PRR16: variants seen among roughly 807,000 people sequenced by gnomAD.
PRR16 encodes protein Largen.
A neutral mutation model predicts 18.2 loss-of-function variants in PRR16; 6 were observed. The observed-to-expected ratio is 0.33, with a 90% CI of 0.18 to 0.65. The LOEUF (loss-of-function observed/expected upper bound fraction) is 0.65, where lower values mean the gene tolerates loss of function less well. PRR16 is among the 30% of genes least tolerant of loss of function. The pLI is 0.74. For synonymous variants in PRR16, 151 were observed against 147.8 expected (o/e 1.02, Z -0.16); for missense variants, 412 against 376.6 (o/e 1.09, Z -0.78).
At chr5:120,754,067 CT>C in the PRR16 span, among the ~76,000 whole-genome samples, 1 of 111,230 alleles carries the variant, frequency 9.0e-6, no homozygotes, top group Non-Finnish European at 1.8e-5. Context: ...AGGAAGACAA[CT>C]TTTTACAATT....
chr5:120,568,227 G>C (rs943065867), intron 1 of PRR16, among the ~76,000 whole-genome samples: 1 of 152,140 alleles, frequency 6.6e-6, no homozygotes, highest in African/African-American at 2.4e-5. Context: ...CATGACCCTA[G>C]TAAGCTGGCT....
At chr5:120,593,407 T>C (rs1753701502) in intron 1 of PRR16, among the ~76,000 whole-genome samples, 1 of 151,810 alleles carries the variant, frequency 6.6e-6, no homozygotes, top group Non-Finnish European at 1.5e-5. Context: ...CTGGGAGAAG[T>C]GGATAAATTC....
intron 1 of PRR16, among the ~76,000 whole-genome samples, chr5:120,525,246 A>G (rs1325554391): frequency 6.6e-6 from 1 of 152,128 alleles, no homozygotes; most frequent in Non-Finnish European, 1.5e-5. Flanking sequence ...TTGTCTTCAA[A>G]TTCACCAGAC....
At chr5:120,503,426 G>T (rs1343648686) in intron 1 of PRR16, among the ~76,000 whole-genome samples, 1 of 152,104 alleles carries the variant, frequency 6.6e-6, no homozygotes, top group African/African-American at 2.4e-5. Flanking sequence ...TGCCCTAATA[G>T]AAATAATAAT....
At chr5:120,564,345 G>A (rs907343045) in intron 1 of PRR16, among the ~76,000 whole-genome samples, 1 of 151,998 alleles carries the variant, frequency 6.6e-6, no homozygotes, top group African/African-American at 2.4e-5. Context: ...CAGTCTTTGT[G>A]TCCTAGACTG....
chr5:120,722,474 G>T, the PRR16 span, among the ~76,000 whole-genome samples: 2 of 151,890 alleles, frequency 1.3e-5, no homozygotes, highest in Non-Finnish European at 2.9e-5. Flanking sequence ...GTATAGTAAG[G>T]TCCAGGTTTT....
intron 1 of PRR16, among the ~76,000 whole-genome samples, chr5:120,517,510 T>C (rs915233149): frequency 1.3e-5 from 2 of 152,202 alleles, no homozygotes; most frequent in African/African-American, 4.8e-5. Flanking sequence ...TATAGTTTTC[T>C]ATTCTTCTTT....
At chr5:120,700,421 T>G in the PRR16 span, among the ~76,000 whole-genome samples, 15 of 151,868 alleles carry the variant, frequency 9.9e-5, no homozygotes, top group African/African-American at 3.4e-4. Flanking sequence ...TAGAGGTATC[T>G]CATACTTGTG....
At chr5:120,611,067 G>C (rs971988281) in intron 1 of PRR16, among the ~76,000 whole-genome samples, 7 of 152,172 alleles carry the variant, frequency 4.6e-5, no homozygotes, top group African/African-American at 1.7e-4. Flanking sequence ...CTTGTTACGT[G>C]TTAGCAAAAA....
At chr5:120,692,609 C>T in the PRR16 span, among the ~76,000 whole-genome samples, 1 of 152,152 alleles carries the variant, frequency 6.6e-6, no homozygotes, top group African/African-American at 2.4e-5. Flanking sequence ...GGTGTGGGCC[C>T]AAGTCATACC....
chr5:120,516,888 G>T (rs1277731022), intron 1 of PRR16, among the ~76,000 whole-genome samples: 2 of 152,108 alleles, frequency 1.3e-5, no homozygotes, highest in Non-Finnish European at 2.9e-5. Flanking sequence ...GGCTCATATG[G>T]TACCTACCAG....
At chr5:120,758,912 G>T in the PRR16 span, among the ~76,000 whole-genome samples, 1 of 150,394 alleles carries the variant, frequency 6.6e-6, no homozygotes, top group African/African-American at 2.4e-5. Flanking sequence ...GAACATTCTT[G>T]CTGATACAAA....
At chr5:120,631,725 C>G (rs540816947) in intron 1 of PRR16, among the ~76,000 whole-genome samples, 219 of 152,230 alleles carry the variant, frequency 1.4e-3, no homozygotes, top group South Asian at 3.3e-3. Flanking sequence ...AGGCCTATCC[C>G]TGCCCCGACC....
chr5:120,483,930 C>G (rs746664406), intron 1 of PRR16, among the ~76,000 whole-genome samples: 1 of 151,866 alleles, frequency 6.6e-6, no homozygotes, highest in Non-Finnish European at 1.5e-5. Flanking sequence ...CCAACTTGGC[C>G]TTAATTGGCA....
chr5:120,783,251 C>T, the PRR16 span, among the ~76,000 whole-genome samples: 77 of 152,172 alleles, frequency 5.1e-4, no homozygotes, highest in African/African-American at 1.8e-3. Flanking sequence ...TCATAGTTTG[C>T]GAAGCATGAA....
At chr5:120,478,686 C>T (rs1192622407) in intron 1 of PRR16, among the ~76,000 whole-genome samples, 2 of 152,056 alleles carry the variant, frequency 1.3e-5, no homozygotes, top group African/African-American at 2.4e-5. Flanking sequence ...TAGGAGTGCC[C>T]ATTTTTCCTT....
chr5:120,728,345 A>T, the PRR16 span, among the ~76,000 whole-genome samples: 9 of 150,122 alleles, frequency 6.0e-5, no homozygotes, highest in African/African-American at 2.2e-4. Context: ...TTTACACAGG[A>T]TCCTGGAAGG....
chr5:120,501,871 G>C (rs1312761905), intron 1 of PRR16, among the ~76,000 whole-genome samples: 1 of 148,548 alleles, frequency 6.7e-6, no homozygotes, highest in Admixed American at 6.8e-5. Flanking sequence ...CAGGAGAATG[G>C]TGTGAACCTG....
chr5:120,564,034 G>T (rs1752657278), intron 1 of PRR16, among the ~76,000 whole-genome samples: 1 of 151,784 alleles, frequency 6.6e-6, no homozygotes. Flanking sequence ...GGGTGTGTCT[G>T]GAAATCTCAT....
Sources: allele counts gnomAD v4.1 joint callset (sites outside exome capture counted in the v4.1 genomes callset), GRCh38; gene constraint gnomAD v4.1.1; transcripts MANE v1.5; gene names NCBI Gene and HGNC (gene_info 2026-07-23, HGNC 2026-07-21).